The following P3H2 variants were observed in gnomAD, a reference collection of about 807,000 sequenced individuals.
The protein encoded by P3H2 is leprecan-like 1.
Under a neutral mutation model 87.0 loss-of-function variants are expected in P3H2, and 80 were observed. The ratio of observed to expected loss-of-function variants is 0.92; its 90% CI spans 0.77 to 1.11. P3H2 has a LOEUF of 1.11. P3H2 is among the 50% of genes least tolerant of loss of function. The pLI is 0.00. For missense variants in P3H2, 1,001 were observed against 923.9 expected, an observed-to-expected ratio of 1.08 and a Z score of -1.08; for synonymous variants, 367 against 359.3, an observed-to-expected ratio of 1.02 and a Z score of -0.24.
intron 1 of P3H2, among the ~76,000 whole-genome samples, chr3:190,037,652 A>G (rs976068801): frequency 1.3e-5 from 2 of 152,178 alleles, no homozygotes; most frequent in African/African-American, 4.8e-5. Flanking sequence ...ATTTTAAATT[A>G]CTGACACTTA....
chr3:189,978,433 T>C (rs374858438), intron 8 of P3H2, among the ~76,000 whole-genome samples: 17 of 152,188 alleles, frequency 1.1e-4, no homozygotes, highest in African/African-American at 4.1e-4. Context: ...TTAATAAGCA[T>C]AGAGCCTTAA....
At chr3:189,985,779 TA>T (rs1723677105) in intron 6 of P3H2, among the ~76,000 whole-genome samples, 1 of 152,016 alleles carries the variant, frequency 6.6e-6, no homozygotes, top group African/African-American at 2.4e-5. Flanking sequence ...ACATTATGTA[TA>T]ATTCAAAAAT....
intron 1 of P3H2, among the ~76,000 whole-genome samples, chr3:190,060,879 G>A (rs1726310615): frequency 6.6e-6 from 1 of 152,086 alleles, no homozygotes; most frequent in Admixed American, 6.6e-5. Flanking sequence ...TTATTTTGAT[G>A]ACCTTTATGG....
At chr3:190,004,573 G>A (rs958270964) in intron 1 of P3H2, among the ~76,000 whole-genome samples, 3 of 151,856 alleles carry the variant, frequency 2.0e-5, no homozygotes, top group Non-Finnish European at 2.9e-5. Flanking sequence ...TAGTAGAGAC[G>A]GGGTTTCACC....
intron 1 of P3H2, among the ~76,000 whole-genome samples, chr3:190,033,881 C>T (rs935025023): frequency 2.6e-4 from 39 of 152,236 alleles, no homozygotes; most frequent in Middle Eastern, 3.4e-3. Flanking sequence ...AGACAATCTC[C>T]TCTTTTCAAC....
intron 1 of P3H2, among the ~76,000 whole-genome samples, chr3:190,034,850 TTTC>T (rs1221137421): frequency 7.0e-3 from 420 of 60,066 alleles, no homozygotes; most frequent in African/African-American, 0.024. Context: ...TTTCTTTTCT[TTTC>T]TTTTTTTTTT....
chr3:189,987,325 C>T (rs1723732814), intron 5 of P3H2, among the ~76,000 whole-genome samples: 1 of 151,204 alleles, frequency 6.6e-6, no homozygotes, highest in Non-Finnish European at 1.5e-5. Flanking sequence ...AAAAAAAATA[C>T]AAAATTAGCC....
At chr3:190,106,349 A>C (rs553411655) in intron 1 of P3H2, among the ~76,000 whole-genome samples, 9 of 152,268 alleles carry the variant, frequency 5.9e-5, no homozygotes, top group African/African-American at 2.2e-4. Context: ...TACAGTGCGC[A>C]GTGTTGAACG....
chr3:190,096,276 G>C (rs3106333), intron 1 of P3H2, among the ~76,000 whole-genome samples: 33,457 of 152,126 alleles, frequency 0.22, 3,824 homozygotes, highest in African/African-American at 0.26. Context: ...ACTGGAGAAG[G>C]GGCTTGGTGG....
chr3:190,074,604 T>C (rs1726809915), intron 1 of P3H2, among the ~76,000 whole-genome samples: 1 of 152,132 alleles, frequency 6.6e-6, no homozygotes, highest in Admixed American at 6.6e-5. Flanking sequence ...ACCTAATTTA[T>C]CATAACACAA....
intron 1 of P3H2, among the ~76,000 whole-genome samples, chr3:190,115,425 G>T (rs1389798689): frequency 7.8e-6 from 1 of 128,114 alleles, no homozygotes; most frequent in African/African-American, 2.9e-5. Context: ...GGAAAAGTGG[G>T]AGAAAAAAAA....
intron 1 of P3H2, among the ~76,000 whole-genome samples, chr3:190,095,246 C>T (rs1409632104): frequency 6.8e-6 from 1 of 146,006 alleles, no homozygotes; most frequent in African/African-American, 2.5e-5. Flanking sequence ...CAAATTTACA[C>T]ACCTATACAC....
At chr3:190,055,645 T>C (rs1726131152) in intron 1 of P3H2, among the ~76,000 whole-genome samples, 1 of 152,180 alleles carries the variant, frequency 6.6e-6, no homozygotes, top group Admixed American at 6.5e-5. Flanking sequence ...AACGATCATA[T>C]TCTCTTGAAG....
chr3:190,096,811 A>G (rs928180421), intron 1 of P3H2, among the ~76,000 whole-genome samples: 2 of 152,230 alleles, frequency 1.3e-5, no homozygotes, highest in African/African-American at 4.8e-5. Context: ...CAATCTCTTC[A>G]GCTTGGAAAT....
At chr3:190,079,469 G>GATGA (rs1440968848) in intron 1 of P3H2, among the ~76,000 whole-genome samples, 1 of 152,150 alleles carries the variant, frequency 6.6e-6, no homozygotes, top group Non-Finnish European at 1.5e-5. Context: ...TGTAAGCACA[G>GATGA]ATGAATGATA....
intron 13 of P3H2, among the ~76,000 whole-genome samples, chr3:189,964,376 A>G (rs952413495): frequency 6.6e-6 from 1 of 152,238 alleles, no homozygotes; most frequent in African/African-American, 2.4e-5. Flanking sequence ...TATATATATG[A>G]TAGCCTGCAA....
chr3:189,962,112 CTG>C (rs1384162292), intron 14 of P3H2, among the ~76,000 whole-genome samples: 5 of 149,378 alleles, frequency 3.3e-5, no homozygotes, highest in Admixed American at 1.3e-4. Flanking sequence ...TTTCAGGACT[CTG>C]TGCTCTGGTC....
intron 1 of P3H2, among the ~76,000 whole-genome samples, chr3:190,087,678 C>G (rs1394232983): frequency 1.3e-5 from 2 of 151,776 alleles, no homozygotes; most frequent in Admixed American, 1.3e-4. Flanking sequence ...AAATTCAGAT[C>G]TATAAAATTC....
rs1723580933 is a variant in P3H2, at chr3:189,982,924, T to C, written c.1324+122A>G. 1.3e-5 allele frequency: 10 copies of C among 770,616 alleles called. 1 individual carries two copies. Among genetic ancestry groups the C allele is most frequent in the South Asian group, 1.3e-4 (9 of 70,120 alleles). The allele number at this position is 770,616 out of a possible 1,614,324, so 47.7% of individuals were successfully genotyped here. A position where few individuals can be genotyped will look rare whatever the true frequency, so the allele number is the denominator to read the frequency against. ...GCTTTCAGACTATTAGGGAGTGTAG[T>C]AGCTTAGTCTTATTCTTTATTTTCT... On this transcript the variant is annotated intron_variant, in intron 8 of 14. Coordinates refer to ENST00000319332, the MANE Select transcript of P3H2 (RefSeq NM_018192.4).
Sources: allele counts gnomAD v4.1 joint callset (sites outside exome capture counted in the v4.1 genomes callset), GRCh38; gene constraint gnomAD v4.1.1; transcripts MANE v1.5; gene names NCBI Gene and HGNC (gene_info 2026-07-23, HGNC 2026-07-21).